Variants in GRIN3A observed in about 807,000 individuals in gnomAD.
GRIN3A encodes the protein glutamate ionotropic receptor NMDA type subunit 3A.
In GRIN3A, 47 loss-of-function variants were observed where a neutral mutation model predicts 92.4. The ratio of observed to expected loss-of-function variants is 0.51; its 90% CI spans 0.40 to 0.65. The LOEUF (loss-of-function observed/expected upper bound fraction) is 0.65, where lower values mean the gene tolerates loss of function less well. Among genes scored for constraint, GRIN3A ranks in the 30% least tolerant of loss-of-function variants. The probability of loss-of-function intolerance (pLI) is 0.00; values close to 1 mark genes in which losing one functional copy is unlikely to be tolerated. For missense variants in GRIN3A, 1,324 were observed against 1,393.1 expected (o/e 0.95, Z 0.79); for synonymous variants, 527 against 540.6 (o/e 0.97, Z 0.35).
chr9:101,621,571 A>G (rs1308357458), intron 5 of GRIN3A, among the ~76,000 whole-genome samples: 1 of 152,172 alleles, frequency 6.6e-6, no homozygotes, highest in African/African-American at 2.4e-5. Context: ...TCCATGCACC[A>G]TTTTGTGCTC....
intron 1 of GRIN3A, among the ~76,000 whole-genome samples, chr9:101,713,957 C>A (rs893512002): frequency 2.6e-5 from 4 of 151,984 alleles, no homozygotes; most frequent in African/African-American, 9.7e-5. Context: ...GCCCTTGAGC[C>A]CAGGAGTTTC....
At chr9:101,727,807 G>A (rs1487815877) in intron 1 of GRIN3A, among the ~76,000 whole-genome samples, 1 of 150,356 alleles carries the variant, frequency 6.7e-6, no homozygotes, top group African/African-American at 2.5e-5. Context: ...GGATGCTTCA[G>A]CCTAAAGCTG....
intron 6 of GRIN3A, among the ~76,000 whole-genome samples, chr9:101,580,034 A>T (rs191757513): frequency 6.6e-6 from 1 of 152,236 alleles, no homozygotes; most frequent in African/African-American, 2.4e-5. Context: ...TCATGCTAAC[A>T]CCACCATTTT....
At chr9:101,660,381 A>T (rs1309122108) in intron 3 of GRIN3A, among the ~76,000 whole-genome samples, 1 of 151,834 alleles carries the variant, frequency 6.6e-6, no homozygotes, top group Non-Finnish European at 1.5e-5. Context: ...TGCAAATGAG[A>T]GGTGCTCCCA....
At chr9:101,716,225 CAT>C (rs1036838975) in intron 1 of GRIN3A, among the ~76,000 whole-genome samples, 5 of 152,086 alleles carry the variant, frequency 3.3e-5, no homozygotes, top group African/African-American at 1.2e-4. Context: ...TAAACACACA[CAT>C]GGAAATTAAG....
intron 1 of GRIN3A, among the ~76,000 whole-genome samples, chr9:101,697,860 AT>A (rs1299375656): frequency 6.6e-6 from 1 of 152,178 alleles, no homozygotes; most frequent in East Asian, 1.9e-4. Flanking sequence ...CTTCAATATA[AT>A]TTTTAATGAG....
intron 2 of GRIN3A, among the ~76,000 whole-genome samples, chr9:101,675,642 C>A (rs1829385950): frequency 6.6e-6 from 1 of 150,696 alleles, no homozygotes; most frequent in Admixed American, 6.6e-5. Flanking sequence ...GGATTTAGAC[C>A]TGGCACAATG....
At chr9:101,573,808 T>G (rs1319335700) in intron 8 of GRIN3A, among the ~76,000 whole-genome samples, 1 of 114,852 alleles carries the variant, frequency 8.7e-6, no homozygotes, top group Non-Finnish European at 1.7e-5. Context: ...GCAAACAACC[T>G]CAGGTGGCTT....
intron 6 of GRIN3A, among the ~76,000 whole-genome samples, chr9:101,595,359 A>C (rs889190124): frequency 4.6e-5 from 7 of 151,676 alleles, no homozygotes; most frequent in African/African-American, 1.7e-4. Context: ...CCAAAGGAGA[A>C]GGGATCGCAC....
intron 3 of GRIN3A, among the ~76,000 whole-genome samples, chr9:101,661,628 AC>A (rs1448269526): frequency 6.6e-5 from 10 of 151,878 alleles, no homozygotes; most frequent in Non-Finnish European, 1.3e-4. Context: ...TTGGACACTT[AC>A]ATGGTTTCCA....
chr9:101,613,840 G>T (rs1474274964), intron 5 of GRIN3A, among the ~76,000 whole-genome samples: 1 of 152,120 alleles, frequency 6.6e-6, no homozygotes, highest in Non-Finnish European at 1.5e-5. Flanking sequence ...CTTTATCAGG[G>T]CTAGGATTTC....
chr9:101,644,453 A>G (rs908552100), intron 3 of GRIN3A, among the ~76,000 whole-genome samples: 2 of 135,380 alleles, frequency 1.5e-5, no homozygotes, highest in African/African-American at 5.9e-5. Flanking sequence ...AAATTACATT[A>G]GTCACTCAAA....
At chr9:101,611,978 T>G (rs1467196191) in intron 6 of GRIN3A, among the ~76,000 whole-genome samples, 4 of 152,046 alleles carry the variant, frequency 2.6e-5, no homozygotes, top group African/African-American at 4.8e-5. Context: ...AAGAGGAAAG[T>G]GGCTGGGATG....
At chr9:101,671,816 A>G (rs1829330156) in intron 2 of GRIN3A, among the ~76,000 whole-genome samples, 1 of 152,148 alleles carries the variant, frequency 6.6e-6, no homozygotes, top group Non-Finnish European at 1.5e-5. Context: ...GTCATTAGAG[A>G]GAAACAATTG....
chr9:101,670,055 A>G lies in GRIN3A; in HGVS notation c.2352+5T>C, dbSNP rs774351233. 1.3e-5 allele frequency: 20 copies of G among 1,596,934 alleles called. No homozygotes were observed. The South Asian group carries it at 2.0e-4, about 16-fold the overall frequency. ...CAAGAAAGCTAAAGTAAAATGAAGT[A>G]TTACCTTGGGGTCATGTATTCCAGA... On this transcript the variant is annotated splice_donor_5th_base_variant and intron_variant, in intron 3 of 8. Transcript: ENST00000361820.
chr9:101,655,413 A>G (rs1467101940), intron 3 of GRIN3A, among the ~76,000 whole-genome samples: 2 of 151,948 alleles, frequency 1.3e-5, no homozygotes, highest in African/African-American at 4.8e-5. Flanking sequence ...CACAAGTACT[A>G]GATGTGCATT....
rs773375404 is a variant in GRIN3A at position 101,613,443 on chromosome 9, A to C, written c.2699T>G (p.Met900Arg). ...GTACCACTTGTCATGGAGCATATCC[A>C]TAAACCCATGTGACTTGTATTGACT... Reference protein sequence around the residue: ...LISQYKSHGFMDMLHDKWYRV... With the variant: ...LISQYKSHGFRDMLHDKWYRV... Residue 900 changes from methionine to arginine, a missense_variant, in exon 6 of 9, where the codon ATG becomes AGG. Met to Arg is a moderately conservative substitution (Grantham distance 91). Coordinates refer to ENST00000361820, the MANE Select transcript of GRIN3A (RefSeq NM_133445.3). The C allele has an allele frequency of 1.2e-6, 2 of 1,614,166 alleles. No individual in the cohort carries two copies. The highest frequency in any genetic ancestry group is 1.3e-5 in the African/African-American group (1 of 75,042).
At chr9:101,732,205 G>A (rs917639764) in intron 1 of GRIN3A, among the ~76,000 whole-genome samples, 3 of 152,326 alleles carry the variant, frequency 2.0e-5, no homozygotes, top group East Asian at 1.9e-4. Context: ...GCTTAGGTCA[G>A]TATGAATCAA....
chr9:101,705,074 C>A (rs1019097499), intron 1 of GRIN3A, among the ~76,000 whole-genome samples: 3 of 152,006 alleles, frequency 2.0e-5, no homozygotes, highest in African/African-American at 7.2e-5. Flanking sequence ...AGGGTTCCAC[C>A]CTTGGGCCTG....
Sources: gnomAD v4.1 joint callset for allele counts (sites outside exome capture counted in the v4.1 genomes callset) on GRCh38, gnomAD v4.1.1 for gene constraint, MANE v1.5 for transcripts, NCBI Gene and HGNC (gene_info 2026-07-23, HGNC 2026-07-21) for gene names.